Variants in PSMD14 observed in about 807,000 individuals in gnomAD.
PSMD14 encodes proteasome 26S subunit, non-ATPase 14, also known as ubiquitin C-terminal hydrolase PSMD14.
A neutral mutation model predicts 41.2 loss-of-function variants in PSMD14; 7 were observed. That is an observed-to-expected ratio of 0.17 (90% CI 0.10 to 0.32). The LOEUF (loss-of-function observed/expected upper bound fraction) is 0.32, where lower values mean the gene tolerates loss of function less well. PSMD14 is among the 10% of genes least tolerant of loss of function. The pLI is 1.00. For synonymous variants in PSMD14, 114 were observed against 122.3 expected, an observed-to-expected ratio of 0.93 and a Z score of 0.45; for missense variants, 139 against 375.6, an observed-to-expected ratio of 0.37 and a Z score of 5.21.
chr2:161,385,179 G>T (rs1683618532), intron 7 of PSMD14: 1 of 194,980 alleles, frequency 5.1e-6, no homozygotes, highest in East Asian at 1.1e-4. Context: ...GCTGTTTGGT[G>T]TAAGTTTAGT....
intron 3 of PSMD14, among the ~76,000 whole-genome samples, chr2:161,327,304 T>C (rs1682713343): frequency 6.6e-6 from 1 of 152,238 alleles, no homozygotes; most frequent in East Asian, 1.9e-4. Flanking sequence ...GAGATGGTGG[T>C]ATTGGTTGTG....
intron 3 of PSMD14, among the ~76,000 whole-genome samples, chr2:161,333,320 T>C (rs1682821854): frequency 6.6e-6 from 1 of 152,248 alleles, no homozygotes; most frequent in East Asian, 1.9e-4. Flanking sequence ...TTGGTAGGAC[T>C]GTACTGTGCT....
chr2:161,359,221 T>C (rs1018146156), intron 3 of PSMD14, among the ~76,000 whole-genome samples: 2 of 152,128 alleles, frequency 1.3e-5, no homozygotes, highest in African/African-American at 4.8e-5. Flanking sequence ...ATCCTCCAGC[T>C]TTGGCCTCCC....
At chr2:161,341,762 C>A (rs1253788898) in intron 3 of PSMD14, among the ~76,000 whole-genome samples, 1 of 150,622 alleles carries the variant, frequency 6.6e-6, no homozygotes, top group Admixed American at 6.6e-5. Flanking sequence ...TCGCTTGAAC[C>A]CGGGAGGCAA....
chr2:161,358,723 T>A (rs984452397), intron 3 of PSMD14, among the ~76,000 whole-genome samples: 1 of 152,152 alleles, frequency 6.6e-6, no homozygotes, highest in Non-Finnish European at 1.5e-5. Context: ...GGCGGGTGGA[T>A]CATGAGATCA....
chr2:161,393,701 A>T (rs1360804396), intron 9 of PSMD14, among the ~76,000 whole-genome samples: 1 of 151,870 alleles, frequency 6.6e-6, no homozygotes, highest in Non-Finnish European at 1.5e-5. Context: ...TATAGCCATC[A>T]TTTTTTTTCT....
intron 7 of PSMD14, among the ~76,000 whole-genome samples, chr2:161,377,084 T>G (rs1234119718): frequency 1.3e-5 from 2 of 151,824 alleles, no homozygotes; most frequent in African/African-American, 4.8e-5. Context: ...AAATTAGAGC[T>G]AGAGTTCAAG....
chr2:161,347,856 G>A (rs572914089), intron 3 of PSMD14, among the ~76,000 whole-genome samples: 13 of 152,256 alleles, frequency 8.5e-5, no homozygotes, highest in Admixed American at 2.6e-4. Context: ...TTGCAGTTTG[G>A]TTATTGTCAC....
At chr2:161,390,491 G>T (rs186573005) in intron 8 of PSMD14, among the ~76,000 whole-genome samples, 72 of 152,204 alleles carry the variant, frequency 4.7e-4, no homozygotes, top group African/African-American at 1.7e-3. Flanking sequence ...ATTAGCTTAA[G>T]ATTTTATTAT....
At chr2:161,333,355 C>T (rs1227476327) in intron 3 of PSMD14, among the ~76,000 whole-genome samples, 1 of 152,194 alleles carries the variant, frequency 6.6e-6, no homozygotes, top group Non-Finnish European at 1.5e-5. Context: ...AATCCAAATT[C>T]CTGAAATTTG....
chr2:161,379,614 C>T (rs1683548913), intron 7 of PSMD14, among the ~76,000 whole-genome samples: 2 of 151,966 alleles, frequency 1.3e-5, no homozygotes, highest in South Asian at 4.1e-4. Flanking sequence ...CAGTACTCTG[C>T]TTTGTTAACT....
At chr2:161,357,345 G>A (rs930000225) in intron 3 of PSMD14, among the ~76,000 whole-genome samples, 1 of 152,070 alleles carries the variant, frequency 6.6e-6, no homozygotes, top group Non-Finnish European at 1.5e-5. Context: ...TTTCATGAAT[G>A]AATAAAGGCT....
chr2:161,382,401 C>A (rs1488765714), intron 7 of PSMD14: 1 of 151,764 alleles, frequency 6.6e-6, no homozygotes, highest in Non-Finnish European at 1.5e-5. Flanking sequence ...AGACCTTTAA[C>A]ATGAATTTAA....
At chr2:161,378,948 G>A (rs1157447899) in intron 7 of PSMD14, among the ~76,000 whole-genome samples, 2 of 151,982 alleles carry the variant, frequency 1.3e-5, no homozygotes, top group East Asian at 3.9e-4. Context: ...CTACTAAAAT[G>A]CCTTTGCCTA....
chr2:161,405,286 C>T (rs1224207053), intron 10 of PSMD14, among the ~76,000 whole-genome samples: 1 of 152,182 alleles, frequency 6.6e-6, no homozygotes, highest in African/African-American at 2.4e-5. Context: ...CATCCTGACT[C>T]TCCCTCTGTT....
At chr2:161,367,573 G>T in intron 4 of PSMD14, 24 bp downstream of exon 4, 1 of 1,557,884 alleles carries the variant, frequency 6.4e-7, no homozygotes, top group Non-Finnish European at 8.8e-7. Context: ...GTAGTTACTT[G>T]CTTTAGAGAA....
chr2:161,333,212 C>T (rs533499273), intron 3 of PSMD14, among the ~76,000 whole-genome samples: 42 of 152,288 alleles, frequency 2.8e-4, no homozygotes, highest in Admixed American at 1.8e-3. Context: ...CATTGCTCAT[C>T]CTTATATTTT....
chr2:161,403,472 GGGC>G (rs1683908937), intron 10 of PSMD14, among the ~76,000 whole-genome samples: 2 of 152,138 alleles, frequency 1.3e-5, no homozygotes, highest in Admixed American at 1.3e-4. Context: ...CAGGTGATTG[GGGC>G]ACTAAATGTG....
intron 3 of PSMD14, among the ~76,000 whole-genome samples, chr2:161,347,553 C>G (rs1019190836): frequency 2.3e-4 from 35 of 152,086 alleles, no homozygotes; most frequent in African/African-American, 8.0e-4. Flanking sequence ...AAAATCTGTT[C>G]AAATTAAATA....
Sources: gnomAD v4.1 joint callset for allele counts (sites outside exome capture counted in the v4.1 genomes callset) on GRCh38, gnomAD v4.1.1 for gene constraint, MANE v1.5 for transcripts, NCBI Gene and HGNC (gene_info 2026-07-23, HGNC 2026-07-21) for gene names.